Variants in ROBO1 observed in about 807,000 individuals in gnomAD.
ROBO1 encodes roundabout homolog 1.
In ROBO1, 149 loss-of-function variants were observed where a neutral mutation model predicts 195.9. That is an observed-to-expected ratio of 0.76 (90% CI 0.67 to 0.87). The LOEUF is 0.87. Ranked by LOEUF, ROBO1 falls within the 40% of genes least tolerant of loss-of-function variation. The pLI, the probability that ROBO1 is intolerant of heterozygous loss-of-function variation, is 0.00. For synonymous variants in ROBO1, 816 were observed against 733.2 expected (o/e 1.11, Z -1.82); for missense variants, 1,933 against 2,068.3 (o/e 0.93, Z 1.27).
chr3:79,224,472 A>G (rs1333016313), intron 2 of ROBO1, among the ~76,000 whole-genome samples: 1 of 152,162 alleles, frequency 6.6e-6, no homozygotes. Context: ...GAGAATATTC[A>G]GTGGGCTATT....
At chr3:78,866,910 A>T (rs1476148903) in intron 4 of ROBO1, among the ~76,000 whole-genome samples, 1 of 152,202 alleles carries the variant, frequency 6.6e-6, no homozygotes, top group Non-Finnish European at 1.5e-5. Context: ...TACACGTAGC[A>T]TCAATTTACG....
chr3:79,256,919 A>G (rs2082844826), intron 2 of ROBO1, among the ~76,000 whole-genome samples: 1 of 152,154 alleles, frequency 6.6e-6, no homozygotes, highest in South Asian at 2.1e-4. Context: ...TAACCTCTAA[A>G]TTTTTAGATT....
chr3:78,873,337 C>T (rs2035655028), intron 4 of ROBO1, among the ~76,000 whole-genome samples: 1 of 152,132 alleles, frequency 6.6e-6, no homozygotes, highest in South Asian at 2.1e-4. Context: ...TGTCCTATCT[C>T]TTCCTTCGAA....
chr3:79,340,884 G>T (rs1407664363), intron 2 of ROBO1, among the ~76,000 whole-genome samples: 3 of 152,184 alleles, frequency 2.0e-5, no homozygotes, highest in South Asian at 2.1e-4. Flanking sequence ...GCCTGATGTA[G>T]ATTAAATATG....
chr3:79,631,484 C>G (rs1215587390), intron 1 of ROBO1, among the ~76,000 whole-genome samples: 1 of 151,872 alleles, frequency 6.6e-6, no homozygotes, highest in African/African-American at 2.4e-5. Context: ...GAAAAAATAA[C>G]TTGAGATGGA....
At chr3:79,410,845 C>T (rs1472355597) in intron 2 of ROBO1, among the ~76,000 whole-genome samples, 1 of 152,132 alleles carries the variant, frequency 6.6e-6, no homozygotes, top group African/African-American at 2.4e-5. Flanking sequence ...CTCTCCACCA[C>T]AGCTTTCCAA....
chr3:78,787,013 C>A (rs2108507277), intron 4 of ROBO1, among the ~76,000 whole-genome samples: 1 of 152,256 alleles, frequency 6.6e-6, no homozygotes, highest in Admixed American at 6.5e-5. Context: ...AGTGGTTCTC[C>A]ACCTTCAGTT....
chr3:79,607,361 A>G (rs1944521927), intron 1 of ROBO1, among the ~76,000 whole-genome samples: 1 of 151,564 alleles, frequency 6.6e-6, no homozygotes, highest in Non-Finnish European at 1.5e-5. Flanking sequence ...TTGCTCTCAT[A>G]GCCTTTAAGT....
intron 2 of ROBO1, among the ~76,000 whole-genome samples, chr3:79,154,957 A>G (rs769694856): frequency 6.6e-6 from 1 of 151,706 alleles, no homozygotes; most frequent in Non-Finnish European, 1.5e-5. Context: ...TTTGTTCCCT[A>G]TTTTCTGTGG....
intron 2 of ROBO1, among the ~76,000 whole-genome samples, chr3:79,410,936 T>C (rs2037740683): frequency 6.6e-6 from 1 of 152,134 alleles, no homozygotes; most frequent in African/African-American, 2.4e-5. Context: ...AGCAATTAGC[T>C]TCAAGCCTAC....
intron 1 of ROBO1, among the ~76,000 whole-genome samples, chr3:79,721,954 G>A (rs554056744): frequency 3.3e-5 from 5 of 152,284 alleles, no homozygotes; most frequent in South Asian, 2.1e-4. Context: ...GCCAGTTAAC[G>A]AGAATGATTC....
At chr3:79,332,818 A>G (rs972872415) in intron 2 of ROBO1, among the ~76,000 whole-genome samples, 1 of 152,252 alleles carries the variant, frequency 6.6e-6, no homozygotes, top group Non-Finnish European at 1.5e-5. Context: ...TGTTCTTGGC[A>G]CTGGAGATAA....
At chr3:79,370,527 T>C (rs573816526) in intron 2 of ROBO1, among the ~76,000 whole-genome samples, 2 of 152,152 alleles carry the variant, frequency 1.3e-5, no homozygotes, top group East Asian at 3.9e-4. Flanking sequence ...GACCAGCCCA[T>C]GGTCATCCGT....
intron 8 of ROBO1, among the ~76,000 whole-genome samples, chr3:78,694,773 T>C (rs1201591158): frequency 6.6e-6 from 1 of 152,130 alleles, no homozygotes; most frequent in Non-Finnish European, 1.5e-5. Context: ...CCTGACAAGC[T>C]GTAACAACAG....
chr3:79,406,087 T>C (rs951873470), intron 2 of ROBO1, among the ~76,000 whole-genome samples: 3 of 152,118 alleles, frequency 2.0e-5, no homozygotes, highest in Non-Finnish European at 2.9e-5. Flanking sequence ...ATAATTCTTA[T>C]ATTTCAAAAA....
At chr3:78,999,571 T>C (rs148824054) in intron 3 of ROBO1, among the ~76,000 whole-genome samples, 363 of 152,136 alleles carry the variant, frequency 2.4e-3, no homozygotes, top group African/African-American at 8.2e-3. Context: ...GGAGCAAGGG[T>C]AGAAGAACTA....
At position 78,928,068 on chromosome 3, in the gene ROBO1, ATT is replaced by A. The variant is rs1475006164; in HGVS notation, c.499+10531_499+10532del. The stretch of plus-strand genomic sequence containing the variant: ...CCCAAACCTCTATTAGGTAAGCATA[ATT>A]CATATCCCCATTTTACAGGTAAGAG... On this transcript the variant is annotated intron_variant, in intron 4 of 30. Coordinates refer to ENST00000464233, the MANE Select transcript of ROBO1 (RefSeq NM_002941.4). Among the ~76,000 whole-genome samples, 10 of 152,188 alleles carry A rather than the reference ATT, an allele frequency of 6.6e-5. No homozygotes were observed. The South Asian group carries it at 1.9e-3, about 28-fold the overall frequency.
Position 78,668,172 on chromosome 3 carries a change from T to G in ROBO1, c.1761A>C (p.Ser587=). 2 of 1,613,810 alleles carry G rather than the reference T, an allele frequency of 1.2e-6. No homozygotes were observed. Among genetic ancestry groups the G allele is most frequent in the Non-Finnish European group, 1.7e-6 (2 of 1,179,796 alleles). Residue 587 remains serine, a synonymous_variant, in exon 13 of 31, where the codon TCA becomes TCC. Coordinates refer to ENST00000464233, the MANE Select transcript of ROBO1 (RefSeq NM_002941.4). The part of the protein sequence containing the change: ...VTLSWQPNLN[S]GATPTSYIIE... ...TAATATAAGATGTTGGAGTTGCTCC[T>G]GAATTCAAATTTGGTTGCCACGATA... is the stretch of plus-strand genomic sequence containing the variant.
chr3:78,877,086 A>G (rs1293755584), intron 4 of ROBO1, among the ~76,000 whole-genome samples: 1 of 152,180 alleles, frequency 6.6e-6, no homozygotes, highest in East Asian at 1.9e-4. Flanking sequence ...GACATGTAGT[A>G]GCCAGTGAAT....
Sources: allele counts gnomAD v4.1 joint callset (sites outside exome capture counted in the v4.1 genomes callset), GRCh38; gene constraint gnomAD v4.1.1; transcripts MANE v1.5; gene names NCBI Gene and HGNC (gene_info 2026-07-23, HGNC 2026-07-21).